BMPR1B: variants seen among roughly 807,000 people sequenced by gnomAD.
BMPR1B encodes bone morphogenetic protein receptor type 1B.
In BMPR1B, 12 loss-of-function variants were observed where a neutral mutation model predicts 59.1. The observed-to-expected ratio is 0.20, with a 90% CI of 0.13 to 0.33. The LOEUF is 0.33. Among genes scored for constraint, BMPR1B ranks in the 10% least tolerant of loss-of-function variants. The pLI is 1.00. For missense variants in BMPR1B, 550 were observed against 610.9 expected, an observed-to-expected ratio of 0.90 and a Z score of 1.05; for synonymous variants, 237 against 207.3, an observed-to-expected ratio of 1.14 and a Z score of -1.23.
chr4:95,133,465 C>A (rs917766899), intron 10 of BMPR1B, among the ~76,000 whole-genome samples: 3 of 152,192 alleles, frequency 2.0e-5, no homozygotes, highest in Non-Finnish European at 4.4e-5. Context: ...ACTTCTCATA[C>A]CATCAAGTGT....
At chr4:94,812,029 A>G (rs1019632814) in intron 1 of BMPR1B, among the ~76,000 whole-genome samples, 4 of 152,200 alleles carry the variant, frequency 2.6e-5, no homozygotes, top group African/African-American at 9.6e-5. Flanking sequence ...GAAATGATAG[A>G]AACAATATCT....
chr4:95,076,312 T>C (rs940549820), intron 3 of BMPR1B, among the ~76,000 whole-genome samples: 1 of 152,118 alleles, frequency 6.6e-6, no homozygotes, highest in African/African-American at 2.4e-5. Flanking sequence ...TAATAATGTA[T>C]GTATTTGCTA....
At chr4:94,944,002 G>A (rs1169339909) in intron 2 of BMPR1B, among the ~76,000 whole-genome samples, 1 of 152,110 alleles carries the variant, frequency 6.6e-6, no homozygotes, top group Non-Finnish European at 1.5e-5. Context: ...ATACCACAAA[G>A]TGGAAAATTT....
At chr4:94,880,044 T>C (rs993031664) in intron 2 of BMPR1B, among the ~76,000 whole-genome samples, 3 of 150,082 alleles carry the variant, frequency 2.0e-5, no homozygotes, top group Non-Finnish European at 4.5e-5. Context: ...TTATATAAAA[T>C]GACAATACAA....
rs1560693503 is a variant in BMPR1B at position 95,148,941 on chromosome 4, C to T, written c.1252+18C>T. 1.2e-6 allele frequency: 2 copies of T among 1,613,308 alleles called. No homozygotes were observed. On this transcript the variant is annotated intron_variant, in intron 11 of 12. Coordinates refer to ENST00000515059, the MANE Select transcript of BMPR1B (RefSeq NM_001203.3). ...ATCAGGAGGTAAGAAACAGTGCTGTCTTTGAAAAGCTACTATTGGAGCTAC... is the reference window on the plus strand; with the variant it reads ...ATCAGGAGGTAAGAAACAGTGCTGTTTTTGAAAAGCTACTATTGGAGCTAC...
In BMPR1B at chr4:95,049,662, C is replaced by A. The variant is rs575815387; in HGVS notation, c.-18+53528C>A. ...CTTGCTCATATAATTTCTTTCCTCTCAACTTCTGTATTGCTGTATAAGTTC... is the reference window on the plus strand; with the variant it reads ...CTTGCTCATATAATTTCTTTCCTCTAAACTTCTGTATTGCTGTATAAGTTC... On this transcript the variant is annotated intron_variant, in intron 3 of 12. Coordinates refer to ENST00000515059, the MANE Select transcript of BMPR1B (RefSeq NM_001203.3). Among the ~76,000 whole-genome samples, 14 of 151,662 alleles carry A rather than the reference C, an allele frequency of 9.2e-5. No individual in the cohort carries two copies. The East Asian group carries it at 2.7e-3, about 30-fold the overall frequency.
At chr4:94,996,772 T>G (rs1722087913) in intron 3 of BMPR1B, among the ~76,000 whole-genome samples, 1 of 152,158 alleles carries the variant, frequency 6.6e-6, no homozygotes, top group Non-Finnish European at 1.5e-5. Flanking sequence ...TGCTATTGGA[T>G]TCTTAAAAAC....
At chr4:94,880,825 G>A (rs1406644691) in intron 2 of BMPR1B, among the ~76,000 whole-genome samples, 1 of 151,632 alleles carries the variant, frequency 6.6e-6, no homozygotes, top group Non-Finnish European at 1.5e-5. Flanking sequence ...TAGTAGAGAC[G>A]GGGTTTCACC....
Position 95,081,519 on chromosome 4 carries a change from A to T in BMPR1B, c.-17-22889A>T, listed in dbSNP as rs191207320. Among the ~76,000 whole-genome samples, 335 of 152,320 alleles carry T rather than the reference A, an allele frequency of 2.2e-3. 1 individual carries two copies. The highest frequency in any genetic ancestry group is 7.9e-3 in the African/African-American group (327 of 41,576). ...AGGATTTTGTGAAGCTTTTATCCAC[A>T]TAACTGATCTGCATAACTGAGTGGA... is the stretch of plus-strand genomic sequence containing the variant. On this transcript the variant is annotated intron_variant, in intron 3 of 12. Transcript: ENST00000515059.
chr4:95,108,828 G>C (rs1731394239), intron 4 of BMPR1B, among the ~76,000 whole-genome samples: 1 of 151,978 alleles, frequency 6.6e-6, no homozygotes, highest in East Asian at 1.9e-4. Context: ...CTTTCCATGT[G>C]TCAATTTGCG....
intron 3 of BMPR1B, among the ~76,000 whole-genome samples, chr4:95,062,946 T>C (rs1727509381): frequency 6.6e-6 from 1 of 152,184 alleles, no homozygotes; most frequent in Admixed American, 6.5e-5. Flanking sequence ...TGGCTTTGTT[T>C]TGCTGCTTAT....
chr4:94,766,966 A>G (rs1455723625), intron 1 of BMPR1B, among the ~76,000 whole-genome samples: 1 of 152,100 alleles, frequency 6.6e-6, no homozygotes, highest in Non-Finnish European at 1.5e-5. Flanking sequence ...TATTTTAAGT[A>G]TTCTCGGAAA....
At chr4:94,835,603 A>T (rs944715495) in intron 1 of BMPR1B, among the ~76,000 whole-genome samples, 6 of 152,208 alleles carry the variant, frequency 3.9e-5, no homozygotes, top group Non-Finnish European at 7.3e-5. Flanking sequence ...TGTGAAAGAT[A>T]CAATAATATA....
intron 2 of BMPR1B, among the ~76,000 whole-genome samples, chr4:94,932,736 A>G (rs895621863): frequency 6.6e-6 from 1 of 152,146 alleles, no homozygotes; most frequent in Non-Finnish European, 1.5e-5. Flanking sequence ...ATTAATATAC[A>G]TAATAATAAG....
At chr4:94,783,301 G>T (rs920703691) in intron 1 of BMPR1B, among the ~76,000 whole-genome samples, 7 of 152,094 alleles carry the variant, frequency 4.6e-5, no homozygotes, top group Non-Finnish European at 7.4e-5. Flanking sequence ...CTGATTCCAG[G>T]AGGACTCTTA....
chr4:94,837,549 G>A lies in BMPR1B; in HGVS notation c.-182-38282G>A, dbSNP rs1724873974. 1.4e-5 allele frequency among the ~76,000 whole-genome samples: 2 copies of A among 144,596 alleles called. 1 individual carries two copies. Among genetic ancestry groups the A allele is most frequent in the South Asian group, 4.5e-4 (2 of 4,418 alleles). The allele number at this position is 144,596 out of a possible 152,430, so 94.9% of individuals were successfully genotyped here. On this transcript the variant is annotated intron_variant, in intron 1 of 12. Coordinates refer to ENST00000515059, the MANE Select transcript of BMPR1B (RefSeq NM_001203.3). ...TGAATGGGAGTTCTCTCATGATTTG[G>A]CTCTCTGTTTGTCTGTTGTTGGTGT... is the stretch of plus-strand genomic sequence containing the variant.
chr4:94,945,401 G>T (rs987612249), intron 2 of BMPR1B, among the ~76,000 whole-genome samples: 2 of 152,118 alleles, frequency 1.3e-5, no homozygotes, highest in African/African-American at 4.8e-5. Context: ...AGTATCCATG[G>T]ATTATTTAGG....
At chr4:94,905,875 T>C (rs1728019022) in intron 2 of BMPR1B, among the ~76,000 whole-genome samples, 1 of 151,928 alleles carries the variant, frequency 6.6e-6, no homozygotes, top group Middle Eastern at 3.2e-3. Context: ...CAGTGATGTA[T>C]TTTAACATTT....
chr4:95,098,737 G>C (rs889183406), intron 3 of BMPR1B, among the ~76,000 whole-genome samples: 2 of 151,854 alleles, frequency 1.3e-5, no homozygotes, highest in Non-Finnish European at 2.9e-5. Context: ...TTATTTTTGA[G>C]ACAGAGTCTC....
Sources: allele counts gnomAD v4.1 joint callset (sites outside exome capture counted in the v4.1 genomes callset), GRCh38; gene constraint gnomAD v4.1.1; transcripts MANE v1.5; gene names NCBI Gene and HGNC (gene_info 2026-07-23, HGNC 2026-07-21).